Variants in ATM observed in about 807,000 individuals in gnomAD.
ATM encodes the protein ATM serine/threonine kinase, also known as serine-protein kinase ATM.
Under a neutral mutation model 387.0 loss-of-function variants are expected in ATM, and 308 were observed. The ratio of observed to expected loss-of-function variants is 0.80; its 90% CI spans 0.73 to 0.87. The LOEUF (loss-of-function observed/expected upper bound fraction) is 0.87, where lower values mean the gene tolerates loss of function less well. Among genes scored for constraint, ATM ranks in the 40% least tolerant of loss-of-function variants. ATM has a pLI of 0.00. For missense variants in ATM, 3,312 were observed against 3,560.9 expected (o/e 0.93, Z 1.78); for synonymous variants, 1,156 against 1,187.3 (o/e 0.97, Z 0.54).
intron 4 of ATM, among the ~76,000 whole-genome samples, chr11:108,234,890 T>C (rs1049972578): frequency 6.6e-5 from 10 of 151,856 alleles, no homozygotes; most frequent in Non-Finnish European, 1.5e-4. Context: ...AATGCTATTA[T>C]AGGACTTAGA....
intron 32 of ATM, chr11:108,295,333 G>GT (rs754503110): frequency 0.16 from 43,821 of 277,430 alleles, no homozygotes; most frequent in South Asian, 0.27. Context: ...AAGAGACAGA[G>GT]TTTTTTTTTT....
intron 59 of ATM, among the ~76,000 whole-genome samples, chr11:108,353,452 A>T (rs971169736): frequency 6.6e-6 from 1 of 152,094 alleles, no homozygotes; most frequent in Non-Finnish European, 1.5e-5. Flanking sequence ...CAGCCTAAAA[A>T]TTTTTTAAAT....
chr11:108,240,760 A>G (rs941973155), intron 5 of ATM, among the ~76,000 whole-genome samples: 1 of 152,164 alleles, frequency 6.6e-6, no homozygotes, highest in Non-Finnish European at 1.5e-5. Flanking sequence ...ATGTGTGGTA[A>G]TGTAAAGGCC....
rs2137978699 is a variant in ATM, at chr11:108,366,676, A to G, written c.*1168A>G. ...CTTGGCTTTAGGGTTTCCATACCTG[A>G]AGTGTAGCATAAATACTGATAGGAG... On this transcript the variant is annotated 3_prime_UTR_variant, in exon 63 of 63. Coordinates refer to ENST00000675843, the MANE Select transcript of ATM (RefSeq NM_000051.4). 3 of 231,552 alleles carry G rather than the reference A, an allele frequency of 1.3e-5. No individual in the cohort carries two copies. The East Asian group carries it at 1.8e-4, about 14-fold the overall frequency. The allele number at this position is 231,552 out of a possible 1,614,324, so 14.3% of individuals were successfully genotyped here. A position where few individuals can be genotyped will look rare whatever the true frequency, so the allele number is the denominator to read the frequency against.
intron 16 of ATM, among the ~76,000 whole-genome samples, chr11:108,260,872 G>T (rs879677063): frequency 7.2e-5 from 11 of 152,216 alleles, no homozygotes; most frequent in South Asian, 2.1e-4. Flanking sequence ...TCAAAGAAAG[G>T]GGGGACGGAC....
intron 9 of ATM, among the ~76,000 whole-genome samples, chr11:108,250,272 C>T (rs2080062910): frequency 6.6e-6 from 1 of 152,016 alleles, no homozygotes; most frequent in Non-Finnish European, 1.5e-5. Flanking sequence ...CCTGCCTCAG[C>T]GTCCTGAGTA....
At chr11:108,280,344 A>G (rs1016007079) in intron 23 of ATM, among the ~76,000 whole-genome samples, 3 of 152,208 alleles carry the variant, frequency 2.0e-5, no homozygotes, top group Non-Finnish European at 2.9e-5. Flanking sequence ...GAAGTTTTGT[A>G]TCTTGTGATT....
intron 57 of ATM, among the ~76,000 whole-genome samples, chr11:108,345,069 G>T (rs1279112651): frequency 6.6e-6 from 1 of 152,136 alleles, no homozygotes; most frequent in African/African-American, 2.4e-5. Context: ...GTTTGGGGCA[G>T]CTGGGTAGAT....
chr11:108,308,865 C>A (rs905468780), intron 38 of ATM: 4 of 648,410 alleles, frequency 6.2e-6, no homozygotes, highest in Non-Finnish European at 7.9e-6. Context: ...GAGTTTTATA[C>A]CAGATTATCT....
chr11:108,283,317 A>G (rs530317038), intron 25 of ATM, among the ~76,000 whole-genome samples: 126 of 152,220 alleles, frequency 8.3e-4, no homozygotes, highest in African/African-American at 1.6e-3. Context: ...TATTACTTCT[A>G]TTAGATTTAG....
At chr11:108,261,660 A>C (rs1195001689) in intron 16 of ATM, among the ~76,000 whole-genome samples, 2 of 152,172 alleles carry the variant, frequency 1.3e-5, no homozygotes, top group Non-Finnish European at 2.9e-5. Flanking sequence ...TGAGAGAAGA[A>C]GGCTTCAGAC....
At chr11:108,269,514 A>T (rs1249639006) in intron 18 of ATM, among the ~76,000 whole-genome samples, 3 of 152,220 alleles carry the variant, frequency 2.0e-5, no homozygotes, top group Non-Finnish European at 4.4e-5. Flanking sequence ...TAGCAGTTAA[A>T]AAAAACACCC....
intron 16 of ATM, among the ~76,000 whole-genome samples, chr11:108,264,525 ATACT>A (rs1172835406): frequency 6.6e-6 from 1 of 152,014 alleles, no homozygotes; most frequent in East Asian, 1.9e-4. Flanking sequence ...AGCCAATATC[ATACT>A]GAATGGGCAA....
At chr11:108,228,148 T>C (rs2078838749) in intron 3 of ATM, among the ~76,000 whole-genome samples, 3 of 151,798 alleles carry the variant, frequency 2.0e-5, no homozygotes, top group Admixed American at 6.6e-5. Flanking sequence ...AGAGAATTTC[T>C]TTCATTTTAG....
chr11:108,264,827 A>T (rs1326523559), intron 16 of ATM, among the ~76,000 whole-genome samples: 72 of 88,326 alleles, frequency 8.2e-4, no homozygotes, highest in African/African-American at 2.8e-3. Flanking sequence ...AAGCATTCTT[A>T]TACACCAACA....
rs142591268 is a variant in ATM, at chr11:108,248,953, A to G, written c.1086A>G (p.Arg362=). 2.5e-6 allele frequency: 4 copies of G among 1,611,014 alleles called. No individual in the cohort carries two copies. In the African/African-American group the frequency reaches 4.0e-5, roughly 16 times the overall value. The change falls in exon 9 of 63, where the codon AGA becomes AGG. Residue 362 remains arginine (R), a synonymous_variant. Coordinates refer to ENST00000675843, the MANE Select transcript of ATM (RefSeq NM_000051.4). ...ICHQVFNEDT[R]SLEISQSYTT... ...TACAGGTTTTTAATGAAGATACCAG[A>G]TCCTTGGAGATTTCTCAATCTTACA...
chr11:108,336,925 G>T (rs1180102518), intron 56 of ATM, among the ~76,000 whole-genome samples: 1 of 152,154 alleles, frequency 6.6e-6, no homozygotes, highest in African/African-American at 2.4e-5. Flanking sequence ...TTTGTCTTTT[G>T]TGATTTCATT....
intron 61 of ATM, among the ~76,000 whole-genome samples, chr11:108,359,058 G>T (rs901301352): frequency 3.9e-4 from 58 of 148,756 alleles, no homozygotes; most frequent in African/African-American, 1.4e-3. Flanking sequence ...CCCATCTCAC[G>T]TGCAGAGACA....
Position 108,365,603 on chromosome 11 carries a change from T to TA in ATM, c.*96dup. 1 of 1,414,944 alleles carries TA rather than the reference T, an allele frequency of 7.1e-7. No individual in the cohort carries two copies. The highest frequency in any genetic ancestry group is 9.6e-7 in the Non-Finnish European group (1 of 1,036,742). 87.6% of individuals were successfully genotyped at this position (1,414,944 alleles called of 1,614,324 possible). A position where few individuals can be genotyped will look rare whatever the true frequency, so the allele number is the denominator to read the frequency against. On this transcript the variant is annotated 3_prime_UTR_variant, in exon 63 of 63. Coordinates refer to ENST00000675843, the MANE Select transcript of ATM (RefSeq NM_000051.4). ...CCAACATACTTTAAGTAGGGATTAA[T>TA]ATTTAAGTGAACTATTGTGGGTTTT...
Sources: gnomAD v4.1 joint callset for allele counts (sites outside exome capture counted in the v4.1 genomes callset) on GRCh38, gnomAD v4.1.1 for gene constraint, MANE v1.5 for transcripts, NCBI Gene and HGNC (gene_info 2026-07-23, HGNC 2026-07-21) for gene names.